Variants in KCNN2 observed in about 807,000 individuals in gnomAD.
KCNN2 encodes the protein potassium calcium-activated channel subfamily N member 2.
A neutral mutation model predicts 55.5 loss-of-function variants in KCNN2; 24 were observed. That is an observed-to-expected ratio of 0.43 (90% CI 0.31 to 0.61). KCNN2 has a LOEUF of 0.61. Ranked by LOEUF, KCNN2 falls within the 20% of genes least tolerant of loss-of-function variation. KCNN2 has a pLI of 0.08. For missense variants in KCNN2, 754 were observed against 853.6 expected (o/e 0.88, Z 1.45); for synonymous variants, 431 against 336.1 (o/e 1.28, Z -3.09).
intron 1 of KCNN2, among the ~76,000 whole-genome samples, chr5:114,105,400 A>T (rs769891420): frequency 6.6e-6 from 1 of 152,086 alleles, no homozygotes; most frequent in Non-Finnish European, 1.5e-5. Context: ...CTTTGATAGC[A>T]TCCTGTTTGC....
chr5:114,056,570 G>A, intron 1 of KCNN2: 1 of 396,118 alleles, frequency 2.5e-6, no homozygotes. Flanking sequence ...CCCTAGGGAG[G>A]ATACTAAAGT....
intron 1 of KCNN2, among the ~76,000 whole-genome samples, chr5:114,084,018 T>G (rs546180034): frequency 6.6e-6 from 1 of 152,102 alleles, no homozygotes; most frequent in Admixed American, 6.6e-5. Flanking sequence ...AGCTCACTTA[T>G]TTTTATTGTT....
intron 2 of KCNN2, among the ~76,000 whole-genome samples, chr5:114,299,491 A>G (rs1309900517): frequency 1.3e-5 from 2 of 152,202 alleles, no homozygotes; most frequent in African/African-American, 4.8e-5. Flanking sequence ...CAATTCTCAG[A>G]GTTCTCTTTT....
At chr5:114,255,622 T>C (rs1418670519) in intron 2 of KCNN2, among the ~76,000 whole-genome samples, 1 of 152,122 alleles carries the variant, frequency 6.6e-6, no homozygotes, top group Non-Finnish European at 1.5e-5. Context: ...GGAACCATCG[T>C]ATACAAGGAT....
chr5:114,275,290 A>G (rs1233638268), intron 2 of KCNN2, among the ~76,000 whole-genome samples: 2 of 152,132 alleles, frequency 1.3e-5, no homozygotes, highest in East Asian at 3.9e-4. Flanking sequence ...TTGGCCTAAA[A>G]TTCTCTTTTT....
intron 2 of KCNN2, among the ~76,000 whole-genome samples, chr5:114,349,841 C>T (rs1287512729): frequency 6.6e-6 from 1 of 152,012 alleles, no homozygotes. Context: ...TTTTCCAAAG[C>T]ACCTGTCCCA....
intron 1 of KCNN2, among the ~76,000 whole-genome samples, chr5:114,076,597 C>A (rs1226987776): frequency 6.6e-6 from 1 of 152,180 alleles, no homozygotes; most frequent in African/African-American, 2.4e-5. Context: ...AAATATAGCT[C>A]TTATTTCCAT....
At chr5:114,364,357 C>T (rs1166592965) in intron 2 of KCNN2, among the ~76,000 whole-genome samples, 1 of 152,062 alleles carries the variant, frequency 6.6e-6, no homozygotes, top group Non-Finnish European at 1.5e-5. Flanking sequence ...TTTGAGACAC[C>T]TCTTCCTAGT....
At chr5:114,188,890 C>T (rs917953495) in intron 1 of KCNN2, among the ~76,000 whole-genome samples, 35 of 152,082 alleles carry the variant, frequency 2.3e-4, no homozygotes, top group Non-Finnish European at 5.0e-4. Context: ...AATCTATGAA[C>T]TCAGTGCATT....
At chr5:114,322,806 T>G (rs1397301356) in intron 2 of KCNN2, among the ~76,000 whole-genome samples, 1 of 152,218 alleles carries the variant, frequency 6.6e-6, no homozygotes, top group East Asian at 1.9e-4. Flanking sequence ...ATAAAATGCT[T>G]CTTTTTTAAC....
intron 1 of KCNN2, among the ~76,000 whole-genome samples, chr5:114,158,168 A>G (rs1181104800): frequency 6.6e-6 from 1 of 151,990 alleles, no homozygotes; most frequent in African/African-American, 2.4e-5. Context: ...TCCATCTTGA[A>G]TTAATTTTTG....
chr5:114,434,639 T>C (rs1012620796), intron 3 of KCNN2, among the ~76,000 whole-genome samples: 20 of 152,230 alleles, frequency 1.3e-4, no homozygotes, highest in Admixed American at 5.9e-4. Context: ...AGTGGTTAGC[T>C]GTGAGAAGAA....
chr5:114,187,610 A>G (rs1376413071), intron 1 of KCNN2, among the ~76,000 whole-genome samples: 1 of 142,714 alleles, frequency 7.0e-6, no homozygotes, highest in Admixed American at 7.4e-5. Context: ...GGTTCAAGGG[A>G]TTCTCCTGCC....
chr5:114,142,926 G>T (rs1259768049), intron 1 of KCNN2, among the ~76,000 whole-genome samples: 4 of 152,142 alleles, frequency 2.6e-5, no homozygotes. Flanking sequence ...TAAGCCAAAA[G>T]AACAAAGCTG....
intron 1 of KCNN2, among the ~76,000 whole-genome samples, chr5:114,140,571 G>A (rs191777948): frequency 6.6e-6 from 1 of 151,974 alleles, no homozygotes; most frequent in East Asian, 1.9e-4. Flanking sequence ...GTTTGAGAAG[G>A]AAAATAACTG....
At chr5:114,470,119 G>A (rs1761652864) in intron 4 of KCNN2, among the ~76,000 whole-genome samples, 1 of 152,146 alleles carries the variant, frequency 6.6e-6, no homozygotes, top group South Asian at 2.1e-4. Context: ...TGGGCCAGTA[G>A]CAGAAAAGAA....
chr5:114,374,216 A>G lies in KCNN2; in HGVS notation c.1218+10215A>G, dbSNP rs564956273. 4.6e-5 allele frequency among the ~76,000 whole-genome samples: 7 copies of G among 152,210 alleles called. 1 individual carries two copies. The South Asian group carries it at 1.2e-3, about 27-fold the overall frequency. ...TCACAGCTGACTGCCTCTCCTCACC[A>G]CTAATTAGGACCCTGGTGACTTAAA... is the stretch of plus-strand genomic sequence containing the variant. On this transcript the variant is annotated intron_variant, in intron 2 of 7. Transcript: ENST00000673685.
intron 2 of KCNN2, among the ~76,000 whole-genome samples, chr5:114,283,338 T>C: frequency 6.6e-6 from 1 of 152,156 alleles, no homozygotes; most frequent in East Asian, 1.9e-4. Flanking sequence ...CTATTGAGTG[T>C]TAAATTTTTA....
intron 3 of KCNN2, among the ~76,000 whole-genome samples, chr5:114,416,825 G>C (rs930523290): frequency 6.6e-6 from 1 of 152,064 alleles, no homozygotes; most frequent in African/African-American, 2.4e-5. Flanking sequence ...CCTCATGTAG[G>C]AATCATGGTT....
Sources: gnomAD v4.1 joint callset for allele counts (sites outside exome capture counted in the v4.1 genomes callset) on GRCh38, gnomAD v4.1.1 for gene constraint, MANE v1.5 for transcripts, NCBI Gene and HGNC (gene_info 2026-07-23, HGNC 2026-07-21) for gene names.